Variants in NOTCH2 observed in about 807,000 individuals in gnomAD.
The protein encoded by NOTCH2 is neurogenic locus notch homolog protein 2.
NOTCH2 carries 29 observed loss-of-function variants against 235.8 expected under a neutral mutation model. The ratio of observed to expected loss-of-function variants is 0.12; its 90% CI spans 0.09 to 0.17. NOTCH2 has a LOEUF of 0.17. Among genes scored for constraint, NOTCH2 ranks in the 10% least tolerant of loss-of-function variants. The probability of loss-of-function intolerance (pLI) is 1.00; values close to 1 mark genes in which losing one functional copy is unlikely to be tolerated. For missense variants in NOTCH2, 2,285 were observed against 3,150.2 expected, an observed-to-expected ratio of 0.73 and a Z score of 6.57; for synonymous variants, 1,086 against 1,141.5, an observed-to-expected ratio of 0.95 and a Z score of 0.98.
chr1:119,918,426 A>G lies in NOTCH2; in HGVS notation c.5909T>C (p.Val1970Ala). The G allele has an allele frequency of 6.2e-7, 1 of 1,614,170 alleles. No individual in the cohort carries two copies. Among genetic ancestry groups the G allele is most frequent in the Non-Finnish European group, 8.5e-7 (1 of 1,180,034 alleles). The change falls in exon 32 of 34, where the codon GTG becomes GCG. Residue 1970 changes from valine to alanine, a missense_variant. Val to Ala is a moderately conservative substitution (Grantham distance 64). Coordinates refer to ENST00000256646, the MANE Select transcript of NOTCH2 (RefSeq NM_024408.4). ...VAELINCQAD[V>A]NAVDDHGKSA... ...CCTACCATGGTCATCCACTGCATTC[A>G]CATCCGCTTGGCAGTTGATCAGTTC...
chr1:119,931,673 A>T (rs868992370), intron 22 of NOTCH2, among the ~76,000 whole-genome samples: 1 of 152,046 alleles, frequency 6.6e-6, no homozygotes, highest in South Asian at 2.1e-4. Flanking sequence ...TATATATATA[A>T]AAAACAAAAT....
rs1557840190 is a variant in NOTCH2, at chr1:119,999,963, GAAA to G, written c.416-2634_416-2632del. On this transcript the variant is annotated intron_variant, in intron 3 of 33. Transcript: ENST00000256646. The stretch of plus-strand genomic sequence containing the variant: ...AGAAAGAAAGAAAGAAAGAAAGAAA[GAAA>G]GAAAGAAAGAAAGGAAGGAAGGAAG... Among the ~76,000 whole-genome samples the G allele has an allele frequency of 3.3e-3, 418 of 127,904 alleles. 3 individuals carry two copies. Among genetic ancestry groups the G allele is most frequent in the East Asian group, 0.01 (47 of 4,532 alleles). 83.9% of individuals were successfully genotyped at this position (127,904 alleles called of 152,430 possible).
intron 14 of NOTCH2, among the ~76,000 whole-genome samples, chr1:119,953,103 G>A (rs1650544671): frequency 6.6e-6 from 1 of 152,166 alleles, no homozygotes; most frequent in African/African-American, 2.4e-5. Context: ...CCTGAGGTCA[G>A]GAGTTCATGA....
chr1:119,927,416 G>C (rs963482106), intron 23 of NOTCH2, among the ~76,000 whole-genome samples: 1 of 152,062 alleles, frequency 6.6e-6, no homozygotes, highest in Non-Finnish European at 1.5e-5. Context: ...AGCAGCAGCC[G>C]CTAACCAAGA....
At position 119,920,222 on chromosome 1, in the gene NOTCH2, T is replaced by G. The variant is rs1201356252; in HGVS notation, c.5479+7A>C. ...CCAGTGAAGAGGGGAAGAGGCCCGG[T>G]GCTGACCTGGGCCACGGACATTCAC... On this transcript the variant is annotated splice_region_variant and intron_variant, in intron 30 of 33. Transcript: ENST00000256646. 9.9e-6 allele frequency: 16 copies of G among 1,613,818 alleles called. No homozygotes were observed. The highest frequency in any genetic ancestry group is 1.3e-5 in the Non-Finnish European group (15 of 1,179,854).
At chr1:119,978,212 G>C (rs1203390497) in intron 5 of NOTCH2, among the ~76,000 whole-genome samples, 1 of 152,074 alleles carries the variant, frequency 6.6e-6, no homozygotes, top group Non-Finnish European at 1.5e-5. Flanking sequence ...GCATAGGCTT[G>C]AGTTGAAGAG....
intron 17 of NOTCH2, among the ~76,000 whole-genome samples, chr1:119,948,131 T>C (rs587699975): frequency 4.4e-4 from 67 of 152,382 alleles, no homozygotes; most frequent in African/African-American, 1.4e-3. Flanking sequence ...ACCTTAATTA[T>C]ACCTCAATAA....
intron 5 of NOTCH2, among the ~76,000 whole-genome samples, chr1:119,980,886 T>C (rs1400860805): frequency 1.3e-5 from 2 of 152,208 alleles, no homozygotes; most frequent in African/African-American, 4.8e-5. Flanking sequence ...GATGCTATCA[T>C]GGCCGAGCTC....
intron 5 of NOTCH2, among the ~76,000 whole-genome samples, chr1:119,974,131 G>C (rs587702092): frequency 6.6e-6 from 1 of 152,212 alleles, no homozygotes; most frequent in African/African-American, 2.4e-5. Context: ...TGGTGAAACA[G>C]GAGAGCTGTA....
chr1:119,923,894 A>G lies in NOTCH2; in HGVS notation c.4602T>C (p.Cys1534=). 1 of 1,614,194 alleles carries G rather than the reference A, an allele frequency of 6.2e-7. No individual in the cohort carries two copies. Among genetic ancestry groups the G allele is most frequent in the Non-Finnish European group, 8.5e-7 (1 of 1,180,042 alleles). Residue 1534 remains cysteine, a synonymous_variant, in exon 26 of 34, where the codon TGT becomes TGC. Coordinates refer to ENST00000256646, the MANE Select transcript of NOTCH2 (RefSeq NM_024408.4). ...SEECGWDGLD[C]AADQPENLAE... Reference sequence around the variant, plus strand: ...CCAGGTTCTCAGGTTGGTCAGCAGCACAGTCCAGCCCATCCCAACCACACT... The same window carrying G: ...CCAGGTTCTCAGGTTGGTCAGCAGCGCAGTCCAGCCCATCCCAACCACACT...
intron 9 of NOTCH2, among the ~76,000 whole-genome samples, 176 bp downstream of exon 9, chr1:119,966,200 A>T (rs1651127855): frequency 6.6e-6 from 1 of 152,198 alleles, no homozygotes; most frequent in South Asian, 2.1e-4. Flanking sequence ...AGGACTTGTA[A>T]GATATAGTAG....
intron 4 of NOTCH2, chr1:119,996,482 G>C: frequency 1.7e-6 from 1 of 602,838 alleles, no homozygotes. Flanking sequence ...ACATGGGAGA[G>C]GGTTGTGAAG....
At chr1:119,943,687 A>C (rs1265025855) in intron 17 of NOTCH2, among the ~76,000 whole-genome samples, 2 of 152,218 alleles carry the variant, frequency 1.3e-5, no homozygotes, top group Non-Finnish European at 2.9e-5. Flanking sequence ...CAGGCAGGCA[A>C]AGAAGCAGGA....
chr1:119,975,790 ACAGT>A (rs1454069922), intron 5 of NOTCH2, among the ~76,000 whole-genome samples: 3 of 152,210 alleles, frequency 2.0e-5, no homozygotes, highest in Non-Finnish European at 1.5e-5. Context: ...AGACCATGAA[ACAGT>A]CAGCATTTAT....
At position 119,923,617 on chromosome 1, in the gene NOTCH2, T is replaced by A; in HGVS notation, c.4859+20A>T. On this transcript the variant is annotated intron_variant, in intron 26 of 33. Transcript: ENST00000256646. ...AGGCTTCATAAAATTAGCCTTGAAG[T>A]TCAGAAACCAAACACCTACCCAGCC... 6.2e-7 allele frequency: 1 copy of A among 1,607,166 alleles called. No individual in the cohort carries two copies. The highest frequency in any genetic ancestry group is 8.5e-7 in the Non-Finnish European group (1 of 1,174,312).
rs1649010184 is a variant in NOTCH2, at chr1:119,914,873, A to G, written c.*433T>C. The G allele has an allele frequency of 3.5e-5, 12 of 339,238 alleles. No individual in the cohort carries two copies. The South Asian group carries it at 5.5e-4, about 16-fold the overall frequency. 21.0% of individuals were successfully genotyped at this position (339,238 alleles called of 1,614,324 possible). A position where few individuals can be genotyped will look rare whatever the true frequency, so the allele number is the denominator to read the frequency against. On this transcript the variant is annotated 3_prime_UTR_variant, in exon 34 of 34. Coordinates refer to ENST00000256646, the MANE Select transcript of NOTCH2 (RefSeq NM_024408.4). Reference sequence around the variant, plus strand: ...GACAAAAGAATGTCCAAGGAGGAGGAGATGCGTAGGTCAATTCAGGCAGAA... The same window carrying G: ...GACAAAAGAATGTCCAAGGAGGAGGGGATGCGTAGGTCAATTCAGGCAGAA...
At chr1:120,000,210 A>G (rs1282288293) in intron 3 of NOTCH2, among the ~76,000 whole-genome samples, 7 of 151,902 alleles carry the variant, frequency 4.6e-5, no homozygotes, top group African/African-American at 1.5e-4. Flanking sequence ...TGATTCCTAA[A>G]GTGATAGACA....
chr1:120,069,189 A>G, intron 1 of NOTCH2, 145 bp downstream of exon 1: 1 of 1,527,646 alleles, frequency 6.5e-7, no homozygotes, highest in Non-Finnish European at 8.8e-7. Flanking sequence ...CGATGTCCAA[A>G]CTCTTGGGAA....
intron 3 of NOTCH2, among the ~76,000 whole-genome samples, chr1:120,002,274 C>T (rs1553205510): frequency 1.3e-5 from 2 of 150,756 alleles, no homozygotes; most frequent in Admixed American, 1.3e-4. Flanking sequence ...TTTAAGTAAA[C>T]AGGGTAAGAA....
Sources: gnomAD v4.1 joint callset for allele counts (sites outside exome capture counted in the v4.1 genomes callset) on GRCh38, gnomAD v4.1.1 for gene constraint, MANE v1.5 for transcripts, NCBI Gene and HGNC (gene_info 2026-07-23, HGNC 2026-07-21) for gene names.